The following KIRREL3 variants were observed in gnomAD, a reference collection of about 807,000 sequenced individuals.
KIRREL3 encodes the protein kirre like nephrin family adhesion molecule 3.
In KIRREL3, 36 loss-of-function variants were observed where a neutral mutation model predicts 89.7. The ratio of observed to expected loss-of-function variants is 0.40; its 90% CI spans 0.31 to 0.53. The LOEUF (loss-of-function observed/expected upper bound fraction) is 0.53. KIRREL3 is among the 20% of genes least tolerant of loss of function. The pLI, the probability that KIRREL3 is intolerant of heterozygous loss-of-function variation, is 0.49. For missense variants in KIRREL3, 864 were observed against 1,056.6 expected (o/e 0.82, Z 2.53); for synonymous variants, 445 against 441.4 (o/e 1.01, Z -0.10).
chr11:126,654,937 G>A (rs2134986732), intron 1 of KIRREL3, among the ~76,000 whole-genome samples: 1 of 152,312 alleles, frequency 6.6e-6, no homozygotes, highest in African/African-American at 2.4e-5. Flanking sequence ...CACCCCAGAG[G>A]CCGCTCCTTG....
chr11:126,652,114 T>G lies in KIRREL3; in HGVS notation c.56-89202A>C, dbSNP rs539534898. ...AAGATAGGCACTAGTAGGTCTGATC[T>G]GTCTGGAGGATTCCTTTAAAAAAAC... On this transcript the variant is annotated intron_variant, in intron 1 of 16. Transcript: ENST00000525144. This position sits in a 1 kb window ranked among gnomAD's most constrained non-coding sequence, Gnocchi z 4.9. 1.3e-5 allele frequency among the ~76,000 whole-genome samples: 2 copies of G among 152,318 alleles called. No individual in the cohort carries two copies. Among genetic ancestry groups the G allele is most frequent in the South Asian group, 4.1e-4 (2 of 4,824 alleles).
rs1948729391 is a variant in KIRREL3, at chr11:126,734,252, T to G, written c.56-171340A>C. 6.6e-6 allele frequency among the ~76,000 whole-genome samples: 1 copy of G among 152,228 alleles called. No homozygotes were observed. On this transcript the variant is annotated intron_variant, in intron 1 of 16. Transcript: ENST00000525144. The surrounding 1 kb of genome is among the most constrained non-coding windows in gnomAD (Gnocchi z 5.9). ...TTCATCAGAAAAAAAGCTCTACTTT[T>G]GGGATCTATGGCAGGTTCTTGGGGT... is the stretch of plus-strand genomic sequence containing the variant.
intron 1 of KIRREL3, among the ~76,000 whole-genome samples, chr11:126,590,323 G>T (rs1942076723): frequency 6.6e-6 from 1 of 152,184 alleles, no homozygotes; most frequent in African/African-American, 2.4e-5. Context: ...AATTAATGCA[G>T]TCTAAGATTA....
At chr11:126,426,496 T>C (rs760320769) in intron 15 of KIRREL3, among the ~76,000 whole-genome samples, 2 of 152,204 alleles carry the variant, frequency 1.3e-5, no homozygotes, top group African/African-American at 4.8e-5. Flanking sequence ...ACAATAGAGC[T>C]GCTTCAAATG....
chr11:126,582,682 G>C (rs1941617190), intron 1 of KIRREL3, among the ~76,000 whole-genome samples: 1 of 152,202 alleles, frequency 6.6e-6, no homozygotes, highest in African/African-American at 2.4e-5. Flanking sequence ...GAGGATGGGA[G>C]GGGAAGGTCA....
chr11:126,765,081 A>T (rs1949780483), intron 1 of KIRREL3, among the ~76,000 whole-genome samples: 1 of 152,230 alleles, frequency 6.6e-6, no homozygotes, highest in Non-Finnish European at 1.5e-5. Flanking sequence ...CATTTACTGG[A>T]GATCAGAGAG....
chr11:126,896,031 C>T lies in KIRREL3; in HGVS notation c.55+104424G>A, dbSNP rs1337780148. ...AATAGACAACAAAAGGATTATCCCC[C>T]ATTCATTTCAAAGCACCTTCATCCC... is the stretch of plus-strand genomic sequence containing the variant. On this transcript the variant is annotated intron_variant, in intron 1 of 16. Transcript: ENST00000525144. This position sits in a 1 kb window ranked among gnomAD's most constrained non-coding sequence, Gnocchi z 4.1. 1.3e-5 allele frequency among the ~76,000 whole-genome samples: 2 copies of T among 152,204 alleles called. No homozygotes were observed. The highest frequency in any genetic ancestry group is 4.8e-5 in the African/African-American group (2 of 41,450).
intron 1 of KIRREL3, among the ~76,000 whole-genome samples, chr11:126,865,241 C>G (rs1041737875): frequency 6.6e-6 from 1 of 152,188 alleles, no homozygotes; most frequent in Admixed American, 6.5e-5. Flanking sequence ...TCTGTCTAAA[C>G]GTCAATGATT....
In KIRREL3 at chr11:126,523,980, A is replaced by C. The variant is rs1052279480; in HGVS notation, c.284-2516T>G. Among the ~76,000 whole-genome samples the C allele has an allele frequency of 2.6e-5, 4 of 152,126 alleles. No individual in the cohort carries two copies. The highest frequency in any genetic ancestry group is 9.7e-5 in the African/African-American group (4 of 41,412). ...GACTGGCAGCATCTTTGAAAATCAG[A>C]CTCAGAAGCATGGATTCTGAGAAAG... On this transcript the variant is annotated intron_variant, in intron 3 of 16. Transcript: ENST00000525144. This position sits in a 1 kb window ranked among gnomAD's most constrained non-coding sequence, Gnocchi z 4.9.
chr11:126,939,044 C>A (rs1948324534), intron 1 of KIRREL3, among the ~76,000 whole-genome samples: 1 of 152,172 alleles, frequency 6.6e-6, no homozygotes, highest in African/African-American at 2.4e-5. Flanking sequence ...CCCTGCCAGG[C>A]ACACATAGTA....
intron 1 of KIRREL3, among the ~76,000 whole-genome samples, chr11:126,598,772 C>T (rs113063723): frequency 6.6e-6 from 1 of 152,198 alleles, no homozygotes; most frequent in Non-Finnish European, 1.5e-5. Context: ...GGACTTTGGG[C>T]AAGTCACTTA....
chr11:126,911,932 G>A (rs900127894), intron 1 of KIRREL3, among the ~76,000 whole-genome samples: 6 of 144,598 alleles, frequency 4.1e-5, no homozygotes, highest in African/African-American at 1.5e-4. Flanking sequence ...GCAGTGAGCC[G>A]AGATGGCACC....
At chr11:126,866,294 T>G (rs1247965507) in intron 1 of KIRREL3, among the ~76,000 whole-genome samples, 1 of 152,202 alleles carries the variant, frequency 6.6e-6, no homozygotes, top group Non-Finnish European at 1.5e-5. Flanking sequence ...CCTTTCCACC[T>G]GGCCTGGCCA....
At chr11:126,510,895 T>G (rs1035150522) in intron 4 of KIRREL3, among the ~76,000 whole-genome samples, 1 of 152,210 alleles carries the variant, frequency 6.6e-6, no homozygotes, top group Non-Finnish European at 1.5e-5. Flanking sequence ...GTTGCTCCTC[T>G]TCATCTACTC....
At position 126,723,319 on chromosome 11, in the gene KIRREL3, A is replaced by T. The variant is rs1948253018; in HGVS notation, c.56-160407T>A. Among the ~76,000 whole-genome samples, 1 of 152,190 alleles carries T rather than the reference A, an allele frequency of 6.6e-6. No homozygotes were observed. The highest frequency in any genetic ancestry group is 1.5e-5 in the Non-Finnish European group (1 of 68,024). Reference sequence around the variant, plus strand: ...GAGTAGAATGAAAGGCAAAGGGAACAGTGCTGAGCCAGAGAACACAGCATT... The same window carrying T: ...GAGTAGAATGAAAGGCAAAGGGAACTGTGCTGAGCCAGAGAACACAGCATT... On this transcript the variant is annotated intron_variant, in intron 1 of 16. Transcript: ENST00000525144. The surrounding 1 kb of genome is among the most constrained non-coding windows in gnomAD (Gnocchi z 4.0).
intron 9 of KIRREL3, among the ~76,000 whole-genome samples, chr11:126,445,746 C>T (rs184619947): frequency 1.1e-4 from 16 of 152,328 alleles, no homozygotes; most frequent in East Asian, 3.9e-4. Flanking sequence ...ACACAAAGGT[C>T]GGTTTCCTTC....
At chr11:126,901,192 TA>T (rs753222035) in intron 1 of KIRREL3, among the ~76,000 whole-genome samples, 4 of 118,184 alleles carry the variant, frequency 3.4e-5, no homozygotes, top group Non-Finnish European at 6.5e-5. Flanking sequence ...TCAGCCTGGG[TA>T]ACAGAGCGAG....
chr11:126,912,766 T>C lies in KIRREL3; in HGVS notation c.55+87689A>G, dbSNP rs1206394931. Among the ~76,000 whole-genome samples the C allele has an allele frequency of 2.6e-5, 4 of 152,232 alleles. No individual in the cohort carries two copies. Among genetic ancestry groups the C allele is most frequent in the Non-Finnish European group, 5.9e-5 (4 of 68,042 alleles). ...GCCTAATTACCAGCCTCTCCTTCCA[T>C]TCCTGCTGGCATGGCAGGTGAAGTA... On this transcript the variant is annotated intron_variant, in intron 1 of 16. Transcript: ENST00000525144. The surrounding 1 kb of genome is among the most constrained non-coding windows in gnomAD (Gnocchi z 4.7).
At position 126,945,035 on chromosome 11, in the gene KIRREL3, G is replaced by A. The variant is rs1043352921; in HGVS notation, c.55+55420C>T. 5.3e-5 allele frequency: 8 copies of A among 152,290 alleles called. No individual in the cohort carries two copies. The East Asian group carries it at 1.4e-3, about 26-fold the overall frequency. The allele number at this position is 152,290 out of a possible 1,614,324, so 9.4% of individuals were successfully genotyped here. On this transcript the variant is annotated intron_variant, in intron 1 of 16. Transcript: ENST00000525144. ...TTTGCTGTCCACTCCAATCAAGAAC[G>A]GGGGCCCTCGCAACTCTCTCAGTTC...
Sources: allele counts gnomAD v4.1 joint callset (sites outside exome capture counted in the v4.1 genomes callset), GRCh38; gene constraint gnomAD v4.1.1; non-coding constraint Gnocchi (gnomAD v3.1); transcripts MANE v1.5; gene names NCBI Gene and HGNC (gene_info 2026-07-23, HGNC 2026-07-21).